Variants in FRMD4B observed in about 807,000 individuals in gnomAD.
The protein encoded by FRMD4B is FERM domain containing 4B.
A neutral mutation model predicts 141.5 loss-of-function variants in FRMD4B; 74 were observed. That is an observed-to-expected ratio of 0.52 (90% CI 0.43 to 0.63). FRMD4B has a LOEUF of 0.63. Among genes scored for constraint, FRMD4B ranks in the 30% least tolerant of loss-of-function variants. FRMD4B has a pLI of 0.00. For missense variants in FRMD4B, 1,366 were observed against 1,253.4 expected (o/e 1.09, Z -1.36); for synonymous variants, 506 against 467.9 (o/e 1.08, Z -1.05).
chr3:69,398,555 T>TGCAATC (rs1466490727), intron 2 of FRMD4B, among the ~76,000 whole-genome samples: 1 of 152,222 alleles, frequency 6.6e-6, no homozygotes, highest in African/African-American at 2.4e-5. Flanking sequence ...GAAATGCACA[T>TGCAATC]GCAATCATAC....
At chr3:69,483,914 GA>G (rs749407329) in intron 1 of FRMD4B, among the ~76,000 whole-genome samples, 32 of 152,154 alleles carry the variant, frequency 2.1e-4, no homozygotes, top group Non-Finnish European at 4.6e-4. Context: ...CCTGCTCAGT[GA>G]GGTTTTTGTC....
rs1433072808 is a variant in FRMD4B at position 69,313,192 on chromosome 3, C to T, written c.228+260G>A. Among the ~76,000 whole-genome samples, 4 of 152,186 alleles carry T rather than the reference C, an allele frequency of 2.6e-5. No individual in the cohort carries two copies. In the East Asian group the frequency reaches 7.7e-4, roughly 29 times the overall value. On this transcript the variant is annotated intron_variant, in intron 2 of 22. Coordinates refer to ENST00000398540, the MANE Select transcript of FRMD4B (RefSeq NM_015123.3). ...GGTCACAGAGCTATTAAGTGTCAAG[C>T]TGAGACTGGAACTCAAGTGTCTCTG... is the stretch of plus-strand genomic sequence containing the variant.
chr3:69,413,330 C>T (rs780835446), intron 2 of FRMD4B, among the ~76,000 whole-genome samples: 2 of 152,206 alleles, frequency 1.3e-5, no homozygotes, highest in South Asian at 2.1e-4. Context: ...GTTAAAGAAA[C>T]GAGGCACAGA....
At chr3:69,192,200 A>G (rs1162479586) in intron 17 of FRMD4B, among the ~76,000 whole-genome samples, 1 of 151,844 alleles carries the variant, frequency 6.6e-6, no homozygotes, top group African/African-American at 2.4e-5. Context: ...CCTGGGCAAC[A>G]TGGTGAAACC....
chr3:69,349,502 G>T (rs1703061737), intron 1 of FRMD4B, among the ~76,000 whole-genome samples: 1 of 152,172 alleles, frequency 6.6e-6, no homozygotes, highest in Admixed American at 6.5e-5. Context: ...CCAAAAAAGA[G>T]CCCGCATTGC....
Position 69,248,407 on chromosome 3 carries a change from C to T in FRMD4B, c.581+819G>A, listed in dbSNP as rs145333892. On this transcript the variant is annotated intron_variant, in intron 7 of 22. Coordinates refer to ENST00000398540, the MANE Select transcript of FRMD4B (RefSeq NM_015123.3). ...TGTTGGGAGTTTCCGAACTGAAGTA[C>T]AACTCCGTAACTGGAAGTTTTCAAG... Among the ~76,000 whole-genome samples, 229 of 152,246 alleles carry T rather than the reference C, an allele frequency of 1.5e-3. 1 individual carries two copies. The highest frequency in any genetic ancestry group is 5.1e-3 in the African/African-American group (214 of 41,558).
At chr3:69,228,814 A>G in intron 7 of FRMD4B, among the ~76,000 whole-genome samples, 1 of 151,070 alleles carries the variant, frequency 6.6e-6, no homozygotes, top group Admixed American at 6.7e-5. Context: ...AGCCTGGGCA[A>G]CAGAGTGAGA....
At chr3:69,267,367 G>T (rs1327015615) in intron 5 of FRMD4B, among the ~76,000 whole-genome samples, 1 of 151,982 alleles carries the variant, frequency 6.6e-6, no homozygotes, top group East Asian at 1.9e-4. Context: ...TTGGCTCTAG[G>T]ACCAGAAAAG....
In FRMD4B at chr3:69,472,176, A is replaced by T. The variant is rs1405771599; in HGVS notation, c.-128-39415T>A. The T allele has an allele frequency of 1.6e-5, 4 of 249,278 alleles. No individual in the cohort carries two copies. In the East Asian group the frequency reaches 4.1e-4, roughly 26 times the overall value. The allele number at this position is 249,278 out of a possible 1,614,324, so 15.4% of individuals were successfully genotyped here. ...TTTCTAGAGTAACTTCACTTCCAAA[A>T]ACAGAAAGATCAAGGATAGCATTTA... On this transcript the variant is annotated intron_variant, in intron 1 of 5. Transcript: ENST00000459638.
rs1333496098 is a variant in FRMD4B, at chr3:69,193,076, C to A, written c.1714+572G>T. Among the ~76,000 whole-genome samples, 7 of 151,806 alleles carry A rather than the reference C, an allele frequency of 4.6e-5. No individual in the cohort carries two copies. The East Asian group carries it at 1.4e-3, about 29-fold the overall frequency. ...GCTCAAGTGATCCGCTCACCTCAGC[C>A]TCCCAAAGTGCTGGGATTATAGGTG... is the stretch of plus-strand genomic sequence containing the variant. On this transcript the variant is annotated intron_variant, in intron 17 of 22. Transcript: ENST00000398540.
chr3:69,492,744 T>C (rs1706319618), intron 1 of FRMD4B, among the ~76,000 whole-genome samples: 1 of 152,242 alleles, frequency 6.6e-6, no homozygotes, highest in Non-Finnish European at 1.5e-5. Context: ...TCATGATTTT[T>C]GACAAACTCT....
At position 69,536,274 on chromosome 3, in the gene FRMD4B, G is replaced by T. The variant is rs1411367669; in HGVS notation, c.-129+5932C>A. Reference sequence around the variant, plus strand: ...TTTTCCGCTCTCCTGGGGACCATCAGGGGGCCATCTCCCTGGGCTGGATTT... The same window carrying T: ...TTTTCCGCTCTCCTGGGGACCATCATGGGGCCATCTCCCTGGGCTGGATTT... On this transcript the variant is annotated intron_variant, in intron 1 of 5. Coordinates refer to the FRMD4B transcript ENST00000459638. 1.3e-5 allele frequency: 8 copies of T among 619,836 alleles called. No homozygotes were observed. In the East Asian group the frequency reaches 2.3e-4, roughly 18 times the overall value. The allele number at this position is 619,836 out of a possible 1,614,324, so 38.4% of individuals were successfully genotyped here.
At chr3:69,375,993 A>C (rs1703962104) in intron 1 of FRMD4B, among the ~76,000 whole-genome samples, 1 of 152,194 alleles carries the variant, frequency 6.6e-6, no homozygotes, top group South Asian at 2.1e-4. Flanking sequence ...AATGGGATAT[A>C]GGGATTGAAA....
chr3:69,500,566 A>G (rs942396300), intron 1 of FRMD4B, among the ~76,000 whole-genome samples: 4 of 152,232 alleles, frequency 2.6e-5, no homozygotes, highest in Admixed American at 6.5e-5. Flanking sequence ...CTAACAAGGA[A>G]TGGGAGCCAC....
intron 5 of FRMD4B, among the ~76,000 whole-genome samples, chr3:69,255,449 T>A (rs2093486656): frequency 1.3e-5 from 2 of 151,758 alleles, no homozygotes; most frequent in South Asian, 2.1e-4. Flanking sequence ...GGAGGTGGAG[T>A]GGGGAGGATC....
At chr3:69,461,318 A>G (rs1705702989) in intron 1 of FRMD4B, among the ~76,000 whole-genome samples, 2 of 152,188 alleles carry the variant, frequency 1.3e-5, no homozygotes, top group African/African-American at 4.8e-5. Flanking sequence ...GCACTTTGGA[A>G]GGCCAAGGTG....
intron 2 of FRMD4B, among the ~76,000 whole-genome samples, chr3:69,397,229 A>G (rs1290169664): frequency 1.3e-5 from 2 of 152,194 alleles, no homozygotes; most frequent in Non-Finnish European, 2.9e-5. Context: ...TGAATACTGA[A>G]AACATAATGT....
At chr3:69,350,324 A>G (rs1703096435) in intron 1 of FRMD4B, among the ~76,000 whole-genome samples, 1 of 152,178 alleles carries the variant, frequency 6.6e-6, no homozygotes. Context: ...TCAGGAAACA[A>G]CAGGTGCTGG....
At chr3:69,427,524 A>G (rs1261842878) in intron 2 of FRMD4B, among the ~76,000 whole-genome samples, 2 of 151,056 alleles carry the variant, frequency 1.3e-5, no homozygotes, top group South Asian at 2.1e-4. Context: ...CCCGTCCAAT[A>G]TGGAGAATTC....
Sources: allele counts gnomAD v4.1 joint callset (sites outside exome capture counted in the v4.1 genomes callset), GRCh38; gene constraint gnomAD v4.1.1; transcripts MANE v1.5; gene names NCBI Gene and HGNC (gene_info 2026-07-23, HGNC 2026-07-21).